Variants in PRKG1 observed in about 807,000 individuals in gnomAD.
PRKG1 encodes cGMP-dependent protein kinase 1.
In PRKG1, 35 loss-of-function variants were observed where a neutral mutation model predicts 88.1. The observed-to-expected ratio is 0.40, with a 90% CI of 0.30 to 0.53. PRKG1 has a LOEUF of 0.53. PRKG1 is among the 20% of genes least tolerant of loss of function. The pLI, the probability that PRKG1 is intolerant of heterozygous loss-of-function variation, is 0.59. For synonymous variants in PRKG1, 303 were observed against 292.5 expected, an observed-to-expected ratio of 1.04 and a Z score of -0.37; for missense variants, 540 against 839.8, an observed-to-expected ratio of 0.64 and a Z score of 4.41.
intron 3 of PRKG1, among the ~76,000 whole-genome samples, chr10:51,765,857 C>T (rs942294727): frequency 1.4e-5 from 2 of 145,398 alleles, no homozygotes; most frequent in Non-Finnish European, 3.0e-5. Flanking sequence ...TTAGTCAGCT[C>T]AGGCGGCCAT....
chr10:52,199,551 T>C (rs557693284), intron 9 of PRKG1, among the ~76,000 whole-genome samples: 23 of 152,294 alleles, frequency 1.5e-4, no homozygotes, highest in Admixed American at 1.4e-3. Context: ...CTCATAACTA[T>C]TATCTGCAGA....
chr10:52,109,134 G>A (rs565479106), intron 7 of PRKG1, among the ~76,000 whole-genome samples: 12 of 152,026 alleles, frequency 7.9e-5, no homozygotes, highest in East Asian at 5.8e-4. Flanking sequence ...CCTTCAACAA[G>A]GATTTATTGG....
intron 3 of PRKG1, among the ~76,000 whole-genome samples, chr10:51,535,814 C>T (rs763783863): frequency 6.6e-6 from 1 of 151,416 alleles, no homozygotes; most frequent in African/African-American, 2.4e-5. Flanking sequence ...AACTCCGCCT[C>T]CCGGTTCAAG....
At chr10:52,100,052 A>C (rs1847260139) in intron 7 of PRKG1, among the ~76,000 whole-genome samples, 1 of 152,128 alleles carries the variant, frequency 6.6e-6, no homozygotes, top group Non-Finnish European at 1.5e-5. Context: ...GTAAGCCAAA[A>C]ATGTCAGTGG....
At chr10:52,227,879 A>G (rs928086305) in intron 9 of PRKG1, among the ~76,000 whole-genome samples, 5 of 152,146 alleles carry the variant, frequency 3.3e-5, no homozygotes, top group Non-Finnish European at 7.3e-5. Flanking sequence ...GTGAGAAATC[A>G]TTTTGTAAGC....
intron 5 of PRKG1, among the ~76,000 whole-genome samples, chr10:52,025,440 T>G (rs1325199558): frequency 6.6e-6 from 1 of 152,172 alleles, no homozygotes; most frequent in Non-Finnish European, 1.5e-5. Context: ...GGTTTTCTTC[T>G]AGGGTTTTTA....
At chr10:51,744,381 C>T (rs930758493) in intron 3 of PRKG1, among the ~76,000 whole-genome samples, 19 of 152,242 alleles carry the variant, frequency 1.2e-4, no homozygotes, top group Admixed American at 1.2e-3. Flanking sequence ...AGTGATAGGC[C>T]TGTGGACCAG....
chr10:51,789,830 C>CA (rs1554841988), intron 3 of PRKG1, among the ~76,000 whole-genome samples: 17 of 148,614 alleles, frequency 1.1e-4, no homozygotes, highest in African/African-American at 4.2e-4. Context: ...GTCATTCTCT[C>CA]TTTTTTTTTT....
At chr10:51,554,671 A>G (rs766148039) in intron 3 of PRKG1, among the ~76,000 whole-genome samples, 8 of 140,358 alleles carry the variant, frequency 5.7e-5, no homozygotes, top group Non-Finnish European at 1.1e-4. Context: ...TTCTCCCTCT[A>G]TTAGACTATG....
intron 5 of PRKG1, among the ~76,000 whole-genome samples, chr10:52,025,840 A>G (rs1845321694): frequency 6.6e-6 from 1 of 151,766 alleles, no homozygotes; most frequent in African/African-American, 2.4e-5. Context: ...TTTGGAAAAA[A>G]CTACTTTAAA....
intron 1 of PRKG1, among the ~76,000 whole-genome samples, chr10:51,040,745 C>A (rs1455187682): frequency 6.6e-6 from 1 of 151,964 alleles, no homozygotes; most frequent in Non-Finnish European, 1.5e-5. Flanking sequence ...TTCTTGTATT[C>A]TTTTCAGATT....
At chr10:51,587,443 A>G (rs1457663289) in intron 3 of PRKG1, among the ~76,000 whole-genome samples, 1 of 152,198 alleles carries the variant, frequency 6.6e-6, no homozygotes, top group Non-Finnish European at 1.5e-5. Flanking sequence ...TGTACATTAC[A>G]GTGAGTCCAT....
chr10:51,045,157 G>A (rs550947249), intron 1 of PRKG1, among the ~76,000 whole-genome samples: 2 of 152,062 alleles, frequency 1.3e-5, no homozygotes, highest in South Asian at 4.2e-4. Flanking sequence ...TAACAGGAGC[G>A]ATCAAAAAGT....
chr10:51,720,191 A>G (rs928989573), intron 3 of PRKG1, among the ~76,000 whole-genome samples: 3 of 152,174 alleles, frequency 2.0e-5, no homozygotes, highest in African/African-American at 7.2e-5. Context: ...AAAGTGTAAT[A>G]GAGACCACAC....
chr10:51,267,807 T>G (rs1839875090), intron 2 of PRKG1, among the ~76,000 whole-genome samples: 1 of 152,130 alleles, frequency 6.6e-6, no homozygotes, highest in African/African-American at 2.4e-5. Flanking sequence ...TGGGACCTAA[T>G]TAAAATAAAA....
chr10:51,259,170 C>CTA (rs761422991), intron 2 of PRKG1, among the ~76,000 whole-genome samples: 12 of 151,820 alleles, frequency 7.9e-5, no homozygotes, highest in South Asian at 4.2e-4. Flanking sequence ...ATGTGTGTAC[C>CTA]TATATATATA....
At chr10:52,215,974 T>C (rs749145952) in intron 9 of PRKG1, among the ~76,000 whole-genome samples, 1 of 152,086 alleles carries the variant, frequency 6.6e-6, no homozygotes. Context: ...CTCATCCTCA[T>C]AGAATTGTTC....
intron 3 of PRKG1, among the ~76,000 whole-genome samples, chr10:51,675,635 C>A (rs1815249418): frequency 6.6e-6 from 1 of 152,174 alleles, no homozygotes; most frequent in African/African-American, 2.4e-5. Context: ...CAAAGTGTTT[C>A]CAGTCAGCTG....
intron 3 of PRKG1, among the ~76,000 whole-genome samples, chr10:51,702,944 C>T (rs1841506150): frequency 6.6e-6 from 1 of 152,184 alleles, no homozygotes; most frequent in Non-Finnish European, 1.5e-5. Flanking sequence ...ATCTGCTTGC[C>T]TCAGTCTCCC....
Sources: allele counts gnomAD v4.1 joint callset (sites outside exome capture counted in the v4.1 genomes callset), GRCh38; gene constraint gnomAD v4.1.1; transcripts MANE v1.5; gene names NCBI Gene and HGNC (gene_info 2026-07-23, HGNC 2026-07-21).